ROCK1: variants seen among roughly 807,000 people sequenced by gnomAD.
ROCK1 encodes rho-associated protein kinase 1.
ROCK1 carries 36 observed loss-of-function variants against 196.8 expected under a neutral mutation model. The observed-to-expected ratio is 0.18, with a 90% CI of 0.14 to 0.24. ROCK1 has a LOEUF of 0.24. Ranked by LOEUF, ROCK1 falls within the 10% of genes least tolerant of loss-of-function variation. ROCK1 has a pLI of 1.00. For missense variants in ROCK1, 920 were observed against 1,562.0 expected (o/e 0.59, Z 6.93); for synonymous variants, 443 against 515.9 (o/e 0.86, Z 1.91).
chr18:21,110,176 G>C (rs1466275366), intron 1 of ROCK1, among the ~76,000 whole-genome samples: 1 of 152,084 alleles, frequency 6.6e-6, no homozygotes, highest in Non-Finnish European at 1.5e-5. Flanking sequence ...CCACCAAAAA[G>C]ACAGTTACAA....
intron 27 of ROCK1, among the ~76,000 whole-genome samples, chr18:20,961,710 A>G (rs2035328275): frequency 6.6e-6 from 1 of 151,644 alleles, no homozygotes; most frequent in African/African-American, 2.4e-5. Flanking sequence ...ATGTCTCCAC[A>G]CCTTTGCTTG....
intron 1 of ROCK1, among the ~76,000 whole-genome samples, chr18:21,084,172 G>A (rs1204849285): frequency 1.3e-5 from 2 of 151,812 alleles, no homozygotes; most frequent in African/African-American, 2.4e-5. Flanking sequence ...ACTATAAAAT[G>A]CTTAGAAGAA....
intron 27 of ROCK1, among the ~76,000 whole-genome samples, chr18:20,961,002 A>G (rs1380433353): frequency 6.6e-6 from 1 of 152,190 alleles, no homozygotes; most frequent in Non-Finnish European, 1.5e-5. Flanking sequence ...CGTGCATACC[A>G]GGAATTCCTT....
At chr18:20,996,518 C>G (rs1247658613) in intron 16 of ROCK1, among the ~76,000 whole-genome samples, 1 of 152,022 alleles carries the variant, frequency 6.6e-6, no homozygotes, top group East Asian at 1.9e-4. Context: ...GGTAATAATA[C>G]AGAACTTCCC....
chr18:21,021,017 G>C (rs915439352), intron 11 of ROCK1, among the ~76,000 whole-genome samples: 1 of 152,146 alleles, frequency 6.6e-6, no homozygotes, highest in Non-Finnish European at 1.5e-5. Flanking sequence ...AGAGCAACCA[G>C]TTAAAAAGCT....
At chr18:20,964,775 C>A (rs1177403001) in intron 27 of ROCK1, among the ~76,000 whole-genome samples, 1 of 152,192 alleles carries the variant, frequency 6.6e-6, no homozygotes. Flanking sequence ...CTCAATAAGT[C>A]AATTTATTAG....
intron 6 of ROCK1, among the ~76,000 whole-genome samples, chr18:21,043,362 G>A (rs188926531): frequency 6.6e-6 from 1 of 152,076 alleles, no homozygotes; most frequent in African/African-American, 2.4e-5. Context: ...AGACTTGTTA[G>A]CTGTTACCTA....
chr18:21,062,637 C>T (rs1410178383), intron 2 of ROCK1, among the ~76,000 whole-genome samples: 1 of 152,066 alleles, frequency 6.6e-6, no homozygotes, highest in African/African-American at 2.4e-5. Context: ...AAAGGGAATA[C>T]GCTCCCCTCC....
At chr18:20,990,167 A>C (rs2035611255) in intron 18 of ROCK1, among the ~76,000 whole-genome samples, 1 of 152,210 alleles carries the variant, frequency 6.6e-6, no homozygotes, top group Non-Finnish European at 1.5e-5. Context: ...CTGCCTGAAG[A>C]AAGTGGCTGG....
At chr18:21,066,693 C>G (rs2036337727) in intron 2 of ROCK1, among the ~76,000 whole-genome samples, 1 of 152,168 alleles carries the variant, frequency 6.6e-6, no homozygotes, top group Admixed American at 6.5e-5. Flanking sequence ...CAGTATGTAG[C>G]CTTTTTGTGT....
chr18:21,008,969 T>C (rs1288995166), intron 13 of ROCK1, among the ~76,000 whole-genome samples: 3 of 152,114 alleles, frequency 2.0e-5, no homozygotes, highest in Non-Finnish European at 2.9e-5. Flanking sequence ...TGTAGGTTCA[T>C]GTAAGCACCA....
At position 21,006,519 on chromosome 18, in the gene ROCK1, T is replaced by G; in HGVS notation, c.1717A>C (p.Lys573Gln). 2 of 1,613,902 alleles carry G rather than the reference T, an allele frequency of 1.2e-6. No homozygotes were observed. The highest frequency in any genetic ancestry group is 1.7e-6 in the Non-Finnish European group (2 of 1,179,974). Residue 573 changes from lysine to glutamine, a missense_variant, in exon 16 of 33, where the codon AAG (lysine) becomes CAG (glutamine). Lys to Gln is a moderately conservative substitution (Grantham distance 53). Coordinates refer to ENST00000399799, the MANE Select transcript of ROCK1 (RefSeq NM_005406.3). ...RLRKSHTEMS[K>Q]SISQLESLNR... ...AGGGACTCTAACTGACTAATTGACT[T>G]GCTCATCTCTGTGTGACTCTTCCTC...
intron 2 of ROCK1, among the ~76,000 whole-genome samples, chr18:21,065,234 T>C (rs745430334): frequency 6.6e-6 from 1 of 152,238 alleles, no homozygotes; most frequent in African/African-American, 2.4e-5. Context: ...TCAGTAATTG[T>C]ACTAGTGCCA....
chr18:21,045,906 T>TG (rs2036152750), intron 4 of ROCK1, among the ~76,000 whole-genome samples: 1 of 125,698 alleles, frequency 8.0e-6, no homozygotes, highest in Non-Finnish European at 1.7e-5. Flanking sequence ...GCTGTTTTTT[T>TG]TTTTTTTTTT....
At chr18:21,027,090 C>T (rs763259463) in intron 10 of ROCK1, among the ~76,000 whole-genome samples, 2 of 152,056 alleles carry the variant, frequency 1.3e-5, no homozygotes, top group Non-Finnish European at 2.9e-5. Flanking sequence ...AGGCATACGC[C>T]ACGACACCTG....
chr18:20,959,047 A>ATAAC (rs1555743125), intron 29 of ROCK1, among the ~76,000 whole-genome samples: 2 of 49,536 alleles, frequency 4.0e-5, no homozygotes, highest in African/African-American at 1.5e-4. Flanking sequence ...TATAATATAT[A>ATAAC]ATATATATAT....
intron 25 of ROCK1, chr18:20,968,494 AC>A: frequency 3.4e-6 from 1 of 295,414 alleles, no homozygotes; most frequent in Non-Finnish European, 6.2e-6. Flanking sequence ...TTTAGTAGAG[AC>A]TGGGGTTTCG....
At chr18:20,957,424 A>C (rs564762481) in intron 29 of ROCK1, among the ~76,000 whole-genome samples, 1 of 152,388 alleles carries the variant, frequency 6.6e-6, no homozygotes, top group South Asian at 2.1e-4. Context: ...AGAACAGGCA[A>C]AACTAATCTT....
At chr18:21,062,650 A>G (rs2036301537) in intron 2 of ROCK1, among the ~76,000 whole-genome samples, 2 of 152,160 alleles carry the variant, frequency 1.3e-5, no homozygotes, top group South Asian at 4.1e-4. Context: ...TCCCCTCCAC[A>G]GCGTTTGGAA....
Sources: gnomAD v4.1 joint callset for allele counts (sites outside exome capture counted in the v4.1 genomes callset) on GRCh38, gnomAD v4.1.1 for gene constraint, MANE v1.5 for transcripts, NCBI Gene and HGNC (gene_info 2026-07-23, HGNC 2026-07-21) for gene names.